Variants in NSD1 observed in about 807,000 individuals in gnomAD.
NSD1 encodes histone-lysine N-methyltransferase, H3 lysine-36 specific.
Under a neutral mutation model 242.7 loss-of-function variants are expected in NSD1, and 26 were observed. The ratio of observed to expected loss-of-function variants is 0.11; its 90% CI spans 0.08 to 0.15. The LOEUF (loss-of-function observed/expected upper bound fraction) is 0.15, where lower values mean the gene tolerates loss of function less well. Among genes scored for constraint, NSD1 ranks in the 10% least tolerant of loss-of-function variants. The probability of loss-of-function intolerance (pLI) is 1.00; values close to 1 mark genes in which losing one functional copy is unlikely to be tolerated. For synonymous variants in NSD1, 1,106 were observed against 1,178.1 expected (o/e 0.94, Z 1.25); for missense variants, 2,495 against 3,272.8 (o/e 0.76, Z 5.80).
At chr5:177,145,084 CAAAAAA>C in intron 2 of NSD1, among the ~76,000 whole-genome samples, 1 of 77,720 alleles carries the variant, frequency 1.3e-5, no homozygotes, top group East Asian at 5.1e-4. Context: ...GACTTTGTCT[CAAAAAA>C]AAAAAAAAAA....
intron 3 of NSD1, among the ~76,000 whole-genome samples, chr5:177,202,440 G>A (rs1395962479): frequency 1.3e-5 from 2 of 152,058 alleles, no homozygotes; most frequent in Non-Finnish European, 2.9e-5. Flanking sequence ...GTGCAGTGGC[G>A]TGATAATGGC....
intron 4 of NSD1, among the ~76,000 whole-genome samples, chr5:177,207,005 C>T (rs1248742556): frequency 4.6e-5 from 7 of 151,934 alleles, no homozygotes; most frequent in East Asian, 3.9e-4. Flanking sequence ...GGCATGATCT[C>T]GGCTCACCGC....
At chr5:177,253,998 G>A (rs1043999060) in intron 12 of NSD1, among the ~76,000 whole-genome samples, 2 of 151,786 alleles carry the variant, frequency 1.3e-5, no homozygotes, top group African/African-American at 4.8e-5. Flanking sequence ...ACTGTCACCC[G>A]GGCTCGAGTG....
upstream of NSD1, among the ~76,000 whole-genome samples, chr5:177,131,988 G>A (rs531877696): frequency 3.0e-4 from 46 of 152,350 alleles, no homozygotes; most frequent in East Asian, 7.3e-3. Context: ...CGGGCTGGGG[G>A]AAGGGCCCGA....
At chr5:177,166,585 T>C (rs1759220540) in intron 2 of NSD1, among the ~76,000 whole-genome samples, 1 of 151,990 alleles carries the variant, frequency 6.6e-6, no homozygotes, top group African/African-American at 2.4e-5. Flanking sequence ...TGGGGGGATT[T>C]TAACTTCACC....
intron 17 of NSD1, among the ~76,000 whole-genome samples, chr5:177,274,848 C>T (rs556214779): frequency 4.6e-5 from 7 of 152,074 alleles, no homozygotes; most frequent in East Asian, 1.9e-4. Context: ...AGTCTTCTGC[C>T]GCAGCCTCCC....
At chr5:177,199,517 A>G (rs1236108482) in intron 3 of NSD1, among the ~76,000 whole-genome samples, 3 of 152,282 alleles carry the variant, frequency 2.0e-5, no homozygotes, top group Middle Eastern at 3.4e-3. Context: ...TTGGCCTCAA[A>G]AAGTGTTTGG....
At position 177,212,010 on chromosome 5, in the gene NSD1, C is replaced by T. The variant is rs1763384950; in HGVS notation, c.3611C>T (p.Pro1204Leu). 1.2e-6 allele frequency: 2 copies of T among 1,613,864 alleles called. No individual in the cohort carries two copies. The highest frequency in any genetic ancestry group is 8.5e-7 in the Non-Finnish European group (1 of 1,179,934). ...DPVQEGRDEF[P>L]EHRTPSASIL... ...GTGCAGGAGGGGCGGGATGAGTTTC[C>T]AGAGCATAGAACTCCTTCAGCAAGC... Residue 1204 changes from proline to leucine, a missense_variant, in exon 5 of 23, where the codon CCA (proline) becomes CTA (leucine). By Grantham distance (98) the Pro-to-Leu change is moderately conservative. Transcript: ENST00000439151.
intron 5 of NSD1, among the ~76,000 whole-genome samples, chr5:177,216,574 C>T (rs1462646937): frequency 6.6e-6 from 1 of 151,836 alleles, no homozygotes; most frequent in African/African-American, 2.4e-5. Context: ...TTCACAATAC[C>T]ATCTGTTAAA....
At chr5:177,174,296 G>T (rs1759987780) in intron 2 of NSD1, among the ~76,000 whole-genome samples, 1 of 152,156 alleles carries the variant, frequency 6.6e-6, no homozygotes, top group Admixed American at 6.5e-5. Context: ...GGAGGTTGCA[G>T]TGAGCCGAGA....
intron 18 of NSD1, among the ~76,000 whole-genome samples, chr5:177,281,494 A>C (rs141420912): frequency 6.6e-6 from 1 of 152,114 alleles, no homozygotes; most frequent in Admixed American, 6.6e-5. Flanking sequence ...CTGGGGATGC[A>C]CTAACCAAGA....
intron 3 of NSD1, among the ~76,000 whole-genome samples, chr5:177,201,547 A>G (rs10476219): frequency 0.37 from 54,249 of 146,626 alleles, 13,043 homozygotes; most frequent in African/African-American, 0.69. Flanking sequence ...CTATAATTCT[A>G]TCTTTAACTG....
chr5:177,221,174 T>A (rs1025134996), intron 5 of NSD1: 2 of 256,182 alleles, frequency 7.8e-6, no homozygotes, highest in Non-Finnish European at 7.9e-6. Flanking sequence ...TGGCCTGTAT[T>A]TGGCCTCATT....
chr5:177,148,314 C>T (rs1757422861), intron 2 of NSD1, among the ~76,000 whole-genome samples: 1 of 152,102 alleles, frequency 6.6e-6, no homozygotes, highest in African/African-American at 2.4e-5. Context: ...GATGGGGTTT[C>T]ACTGTGTTTG....
intron 17 of NSD1, among the ~76,000 whole-genome samples, chr5:177,275,523 T>G (rs900406286): frequency 1.5e-5 from 2 of 129,084 alleles, no homozygotes; most frequent in Non-Finnish European, 3.1e-5. Context: ...AAGCTCTGCC[T>G]CCCGGGTTCA....
chr5:177,293,795 T>C (rs371251598), intron 22 of NSD1, 37 bp from the exon 23 acceptor site: 1 of 1,612,436 alleles, frequency 6.2e-7, no homozygotes, highest in Non-Finnish European at 8.5e-7. Flanking sequence ...ATGTATCTCT[T>C]TTTTCCTAAA....
rs578134766 is a variant in NSD1, at chr5:177,134,984, A to T, written c.-17-103A>T. 3 of 989,782 alleles carry T rather than the reference A, an allele frequency of 3.0e-6. No individual in the cohort carries two copies. Among genetic ancestry groups the T allele is most frequent in the Non-Finnish European group, 4.7e-6 (3 of 635,814 alleles). The allele number at this position is 989,782 out of a possible 1,614,324, so 61.3% of individuals were successfully genotyped here. A position where few individuals can be genotyped will look rare whatever the true frequency, so the allele number is the denominator to read the frequency against. ...CTTTTTCTGCCCATGGAAGTGCAGC[A>T]GAAAGGCATAGAGGCCACTAGGCCT... On this transcript the variant is annotated intron_variant, in intron 1 of 22. Coordinates refer to ENST00000439151, the MANE Select transcript of NSD1 (RefSeq NM_022455.5). This position sits in a 1 kb window ranked among gnomAD's most constrained non-coding sequence, Gnocchi z 4.2.
At chr5:177,190,863 T>TA in intron 2 of NSD1, among the ~76,000 whole-genome samples, 1 of 151,458 alleles carries the variant, frequency 6.6e-6, no homozygotes, top group South Asian at 2.1e-4. Context: ...GAGACGGGGT[T>TA]TCACCGTGTT....
intron 21 of NSD1, 102 bp from the exon 22 acceptor site, chr5:177,291,852 T>C: frequency 1.8e-6 from 2 of 1,098,794 alleles, no homozygotes; most frequent in Non-Finnish European, 2.7e-6. Context: ...GACAATCTCT[T>C]TTCCCAGAGA....
Sources: gnomAD v4.1 joint callset for allele counts (sites outside exome capture counted in the v4.1 genomes callset) on GRCh38, gnomAD v4.1.1 for gene constraint, Gnocchi (gnomAD v3.1) non-coding constraint, MANE v1.5 for transcripts, NCBI Gene and HGNC (gene_info 2026-07-23, HGNC 2026-07-21) for gene names.